Variants in LIMCH1 observed in about 807,000 individuals in gnomAD.
The protein encoded by LIMCH1 is LIM and calponin homology domains 1, also known as LIM and calponin homology domains-containing protein 1.
LIMCH1 carries 113 observed loss-of-function variants against 176.5 expected under a neutral mutation model. The observed-to-expected ratio is 0.64, with a 90% confidence interval of 0.55 to 0.75. The LOEUF is 0.75. LIMCH1 is among the 30% of genes least tolerant of loss of function. LIMCH1 has a pLI of 0.00. For missense variants in LIMCH1, 1,674 were observed against 1,814.9 expected (o/e 0.92, Z 1.41); for synonymous variants, 619 against 645.9 (o/e 0.96, Z 0.63).
chr4:41,547,987 T>C (rs1208813440), intron 1 of LIMCH1, among the ~76,000 whole-genome samples: 2 of 149,906 alleles, frequency 1.3e-5, no homozygotes, highest in Non-Finnish European at 3.0e-5. Context: ...TCATTCATAT[T>C]TTTCCCTAAA....
At chr4:41,469,989 T>A (rs1375815276) in intron 1 of LIMCH1, among the ~76,000 whole-genome samples, 1 of 152,134 alleles carries the variant, frequency 6.6e-6, no homozygotes, top group Non-Finnish European at 1.5e-5. Flanking sequence ...CAAGATTTTG[T>A]TTTTGTTTTA....
At chr4:41,445,296 G>A (rs1360004396) in intron 1 of LIMCH1, among the ~76,000 whole-genome samples, 2 of 152,160 alleles carry the variant, frequency 1.3e-5, no homozygotes, top group Non-Finnish European at 2.9e-5. Flanking sequence ...GAGCCACAGT[G>A]CACGGCCCCC....
intron 1 of LIMCH1, among the ~76,000 whole-genome samples, chr4:41,472,735 T>C (rs1471441135): frequency 1.3e-5 from 2 of 152,122 alleles, no homozygotes; most frequent in African/African-American, 4.8e-5. Context: ...CATTGGATAA[T>C]TTTCCTGCAA....
At chr4:41,618,911 A>T (rs989449989) in intron 5 of LIMCH1, among the ~76,000 whole-genome samples, 1 of 152,130 alleles carries the variant, frequency 6.6e-6, no homozygotes, top group African/African-American at 2.4e-5. Flanking sequence ...CCTATTGCAG[A>T]TGTGTTGCTA....
intron 1 of LIMCH1, among the ~76,000 whole-genome samples, chr4:41,562,578 G>A (rs76120005): frequency 6.6e-6 from 1 of 152,180 alleles, no homozygotes; most frequent in Admixed American, 6.5e-5. Context: ...TTTAAAAATT[G>A]TGCTGATTAG....
chr4:41,383,072 T>C (rs953244049), intron 1 of LIMCH1, among the ~76,000 whole-genome samples: 1 of 152,238 alleles, frequency 6.6e-6, no homozygotes, highest in Non-Finnish European at 1.5e-5. Context: ...ATTACAGACG[T>C]GAGCCACTGT....
intron 7 of LIMCH1, among the ~76,000 whole-genome samples, chr4:41,623,135 A>G (rs2092701204): frequency 1.3e-5 from 2 of 152,228 alleles, no homozygotes. Context: ...TTAATGTGGC[A>G]GAAAGTAGCT....
intron 1 of LIMCH1, among the ~76,000 whole-genome samples, chr4:41,423,548 T>C (rs1581928752): frequency 6.6e-6 from 1 of 152,042 alleles, no homozygotes; most frequent in African/African-American, 2.4e-5. Context: ...TGGTGGTCTA[T>C]TGGGAGAGGC....
intron 1 of LIMCH1, among the ~76,000 whole-genome samples, chr4:41,597,417 CTTG>C (rs779967027): frequency 7.2e-5 from 11 of 152,242 alleles, no homozygotes; most frequent in East Asian, 1.9e-4. Flanking sequence ...TGCTATTGTT[CTTG>C]TTGTTATTTT....
chr4:41,471,027 CT>C (rs34026751), intron 1 of LIMCH1, among the ~76,000 whole-genome samples: 5,660 of 131,214 alleles, frequency 0.043, 149 homozygotes, highest in East Asian at 0.089. Flanking sequence ...CAAACTAAGA[CT>C]TTTTTTTTTT....
chr4:41,500,653 G>C (rs977919851), intron 2 of LIMCH1, among the ~76,000 whole-genome samples: 1 of 152,160 alleles, frequency 6.6e-6, no homozygotes, highest in Admixed American at 6.5e-5. Flanking sequence ...CCTTTGGCAA[G>C]GTCAGATGTC....
At position 41,698,985 on chromosome 4, in the gene LIMCH1, TAAAAAAA is replaced by T. The variant is rs1286849981; in HGVS notation, c.*1801_*1807del. 1.3e-5 allele frequency: 2 copies of T among 151,720 alleles called. No homozygotes were observed. Among genetic ancestry groups the T allele is most frequent in the East Asian group, 1.9e-4 (1 of 5,176 alleles). 9.4% of individuals were successfully genotyped at this position (151,720 alleles called of 1,614,324 possible). ...GCTGTTTTACAGGAAAAAATAAAAA[TAAAAAAA>T]GAAAAAAAGAAAAAATTAAAAAGAA... is the stretch of plus-strand genomic sequence containing the variant. On this transcript the variant is annotated 3_prime_UTR_variant, in exon 32 of 32. Transcript: ENST00000503057.
intron 1 of LIMCH1, among the ~76,000 whole-genome samples, chr4:41,592,757 A>G (rs11729552): frequency 0.22 from 33,072 of 152,140 alleles, 4,210 homozygotes; most frequent in African/African-American, 0.35. Flanking sequence ...GTTAGGAACT[A>G]TGCCCAAGGA....
At chr4:41,438,742 A>G (rs143842655) in intron 1 of LIMCH1, among the ~76,000 whole-genome samples, 2 of 151,674 alleles carry the variant, frequency 1.3e-5, no homozygotes, top group African/African-American at 4.8e-5. Flanking sequence ...CCGCTGTAAT[A>G]CAGGGCTGAC....
intron 7 of LIMCH1, 135 bp downstream of exon 7, chr4:41,620,825 G>A: frequency 1.0e-6 from 1 of 1,001,498 alleles, no homozygotes; most frequent in Non-Finnish European, 1.4e-6. Flanking sequence ...TCCCTGCTCT[G>A]AGCACGTAGA....
At chr4:41,582,178 A>G (rs1327545635) in intron 1 of LIMCH1, among the ~76,000 whole-genome samples, 2 of 152,214 alleles carry the variant, frequency 1.3e-5, no homozygotes, top group African/African-American at 2.4e-5. Context: ...ATGAGTGTGA[A>G]TTCCTGCATG....
chr4:41,419,164 TTTCATTTTATTTTATTTAATTTTATTA>T (rs1490828271), intron 1 of LIMCH1, among the ~76,000 whole-genome samples: 4 of 84,636 alleles, frequency 4.7e-5, no homozygotes, highest in Non-Finnish European at 8.8e-5. Flanking sequence ...TTTTATTTTA[TTTCATTTTATTTTATTTAATTTTATTA>T]TTTTGAGACG....
chr4:41,556,395 CA>C (rs71198668), intron 1 of LIMCH1, among the ~76,000 whole-genome samples: 3,703 of 83,840 alleles, frequency 0.044, 53 homozygotes, highest in Non-Finnish European at 0.061. Context: ...AACTCTATCT[CA>C]AAAAAAAAAA....
chr4:41,528,012 T>C (rs2076861705), intron 3 of LIMCH1, among the ~76,000 whole-genome samples: 1 of 152,130 alleles, frequency 6.6e-6, no homozygotes, highest in Admixed American at 6.5e-5. Flanking sequence ...TATTAGATAA[T>C]AGTATTCTCT....
Sources: allele counts gnomAD v4.1 joint callset (sites outside exome capture counted in the v4.1 genomes callset), GRCh38; gene constraint gnomAD v4.1.1; transcripts MANE v1.5; gene names NCBI Gene and HGNC (gene_info 2026-07-23, HGNC 2026-07-21).